The following GALNTL6 variants were observed in gnomAD, a reference collection of about 807,000 sequenced individuals.
The protein encoded by GALNTL6 is polypeptide N-acetylgalactosaminyltransferase-like 6.
Under a neutral mutation model 73.7 loss-of-function variants are expected in GALNTL6, and 46 were observed. That is an observed-to-expected ratio of 0.62 (90% CI 0.49 to 0.80). The LOEUF (loss-of-function observed/expected upper bound fraction) is 0.80. Ranked by LOEUF, GALNTL6 falls within the 30% of genes least tolerant of loss-of-function variation. The pLI, the probability that GALNTL6 is intolerant of heterozygous loss-of-function variation, is 0.00. For synonymous variants in GALNTL6, 259 were observed against 263.7 expected (o/e 0.98, Z 0.17); for missense variants, 604 against 755.0 (o/e 0.80, Z 2.34).
intron 9 of GALNTL6, among the ~76,000 whole-genome samples, chr4:172,949,089 T>C (rs1184662178): frequency 1.3e-5 from 2 of 152,212 alleles, no homozygotes; most frequent in South Asian, 2.1e-4. Flanking sequence ...ACAGCACTTG[T>C]TTTCAATTGT....
At chr4:172,055,967 C>T (rs1731008991) in intron 2 of GALNTL6, among the ~76,000 whole-genome samples, 1 of 152,090 alleles carries the variant, frequency 6.6e-6, no homozygotes, top group Admixed American at 6.6e-5. Context: ...AAATATATAG[C>T]AGCAAAGCAA....
rs549756524 is a variant in GALNTL6, at chr4:172,255,466, C to A, written c.247+25702C>A. ...ATGGGAAATCAGTGCCCCTGACTTG[C>A]AAATATACCACAAGTTGGGCCTTTA... On this transcript the variant is annotated intron_variant, in intron 3 of 12. Coordinates refer to ENST00000506823, the MANE Select transcript of GALNTL6 (RefSeq NM_001034845.3). Among the ~76,000 whole-genome samples the A allele has an allele frequency of 2.6e-5, 4 of 151,516 alleles. No individual in the cohort carries two copies. The South Asian group carries it at 8.3e-4, about 31-fold the overall frequency.
intron 2 of GALNTL6, among the ~76,000 whole-genome samples, chr4:172,207,071 C>A (rs1290237493): frequency 3.3e-5 from 5 of 151,700 alleles, no homozygotes; most frequent in African/African-American, 4.8e-5. Context: ...CCCCCCTTGG[C>A]CTCCCAAAGT....
Position 172,754,929 on chromosome 4 carries a change from T to C in GALNTL6, c.554-54432T>C, listed in dbSNP as rs147911936. Reference sequence around the variant, plus strand: ...GACTGTAGAGAATGAGGAAGATCTTTTGTGGTTCCTAAGCTCCTCAGTCCA... The same window carrying C: ...GACTGTAGAGAATGAGGAAGATCTTCTGTGGTTCCTAAGCTCCTCAGTCCA... On this transcript the variant is annotated intron_variant, in intron 5 of 12. Transcript: ENST00000506823. 1.7e-3 allele frequency among the ~76,000 whole-genome samples: 256 copies of C among 152,160 alleles called. 1 individual carries two copies. The highest frequency in any genetic ancestry group is 6.0e-3 in the African/African-American group (249 of 41,530).
intron 3 of GALNTL6, among the ~76,000 whole-genome samples, chr4:172,230,863 G>A (rs1338146249): frequency 6.6e-6 from 1 of 152,144 alleles, no homozygotes; most frequent in African/African-American, 2.4e-5. Flanking sequence ...CTTAGCCAGG[G>A]TGTGAGGTCC....
At chr4:172,645,725 A>G (rs1740213579) in intron 5 of GALNTL6, among the ~76,000 whole-genome samples, 1 of 151,982 alleles carries the variant, frequency 6.6e-6, no homozygotes, top group Non-Finnish European at 1.5e-5. Flanking sequence ...TCCCTCCAAA[A>G]TAGGTAAATG....
chr4:171,899,593 T>C (rs1560831818), intron 2 of GALNTL6, among the ~76,000 whole-genome samples: 1 of 152,296 alleles, frequency 6.6e-6, no homozygotes, highest in South Asian at 2.1e-4. Flanking sequence ...ACATATGCTT[T>C]CCTGAAATTC....
intron 5 of GALNTL6, among the ~76,000 whole-genome samples, chr4:172,624,987 A>G (rs1739110036): frequency 6.6e-6 from 1 of 151,800 alleles, no homozygotes; most frequent in African/African-American, 2.4e-5. Flanking sequence ...GTATTTCTCA[A>G]CCAAAAAAAG....
At chr4:172,431,158 TAC>T (rs149587477) in intron 5 of GALNTL6, among the ~76,000 whole-genome samples, 5,827 of 152,282 alleles carry the variant, frequency 0.038, 348 homozygotes, top group African/African-American at 0.13. Flanking sequence ...TTCTTAGTCA[TAC>T]TCTATTCTAC....
At chr4:172,658,169 A>AAAAAAAAAAG (rs1560861849) in intron 5 of GALNTL6, among the ~76,000 whole-genome samples, 1 of 122,622 alleles carries the variant, frequency 8.2e-6, no homozygotes, top group African/African-American at 3.0e-5. Flanking sequence ...AAAAAAAAAA[A>AAAAAAAAAAG]GAAATATCTT....
chr4:172,578,760 C>A (rs760838251), intron 5 of GALNTL6, among the ~76,000 whole-genome samples: 25 of 152,214 alleles, frequency 1.6e-4, no homozygotes, highest in Non-Finnish European at 1.5e-4. Flanking sequence ...CTTACATTCT[C>A]ACTTAGCCAG....
chr4:171,966,498 T>C (rs1009876671), intron 2 of GALNTL6, among the ~76,000 whole-genome samples: 1 of 152,076 alleles, frequency 6.6e-6, no homozygotes, highest in Non-Finnish European at 1.5e-5. Flanking sequence ...GATAAGAAAG[T>C]GTGATCCAGA....
intron 5 of GALNTL6, among the ~76,000 whole-genome samples, chr4:172,759,860 C>T (rs1212253730): frequency 4.3e-5 from 5 of 116,998 alleles, no homozygotes; most frequent in South Asian, 2.9e-4. Flanking sequence ...GACGGAGTCT[C>T]GCTCTGTCGC....
chr4:172,134,717 T>C (rs1213282135), intron 2 of GALNTL6, among the ~76,000 whole-genome samples: 1 of 152,208 alleles, frequency 6.6e-6, no homozygotes, highest in Non-Finnish European at 1.5e-5. Context: ...GACTAACGGT[T>C]GTAACAAATA....
chr4:172,702,825 G>GTTT (rs71592092), intron 5 of GALNTL6, among the ~76,000 whole-genome samples: 4 of 151,306 alleles, frequency 2.6e-5, no homozygotes, highest in Non-Finnish European at 5.9e-5. Context: ...ACACTTTATA[G>GTTT]TTTTTTTTGT....
chr4:172,618,915 G>A (rs1020519683), intron 5 of GALNTL6, among the ~76,000 whole-genome samples: 17 of 152,118 alleles, frequency 1.1e-4, no homozygotes, highest in African/African-American at 4.1e-4. Flanking sequence ...ATAAAGACGG[G>A]GTTTCACCAT....
chr4:172,870,333 C>T (rs1579589286), intron 7 of GALNTL6, among the ~76,000 whole-genome samples: 1 of 152,156 alleles, frequency 6.6e-6, no homozygotes, highest in South Asian at 2.1e-4. Context: ...TCCCAAACCA[C>T]TAGTATTGCA....
chr4:171,856,059 T>C (rs1454531117), intron 2 of GALNTL6, among the ~76,000 whole-genome samples: 1 of 152,192 alleles, frequency 6.6e-6, no homozygotes, highest in African/African-American at 2.4e-5. Context: ...TTATTTTTCA[T>C]TCCCTAAAGA....
intron 3 of GALNTL6, among the ~76,000 whole-genome samples, chr4:172,255,384 T>A (rs1377666926): frequency 7.1e-6 from 1 of 140,442 alleles, no homozygotes; most frequent in East Asian, 2.0e-4. Flanking sequence ...GTAATAATGG[T>A]TTCCCAAAAT....
Sources: gnomAD v4.1 joint callset for allele counts (sites outside exome capture counted in the v4.1 genomes callset) on GRCh38, gnomAD v4.1.1 for gene constraint, MANE v1.5 for transcripts, NCBI Gene and HGNC (gene_info 2026-07-23, HGNC 2026-07-21) for gene names.